The following EIF2B3 variants were observed in gnomAD, a reference collection of about 807,000 sequenced individuals.
EIF2B3 encodes translation initiation factor eIF2B subunit gamma.
EIF2B3 carries 20 observed loss-of-function variants against 54.1 expected under a neutral mutation model. The ratio of observed to expected loss-of-function variants is 0.37; its 90% CI spans 0.26 to 0.54. EIF2B3 has a LOEUF of 0.54. Ranked by LOEUF, EIF2B3 falls within the 20% of genes least tolerant of loss-of-function variation. EIF2B3 has a pLI of 0.86. For missense variants in EIF2B3, 448 were observed against 547.8 expected (o/e 0.82, Z 1.82); for synonymous variants, 153 against 188.1 (o/e 0.81, Z 1.52).
At chr1:44,937,056 G>T (rs1431240664) in intron 4 of EIF2B3, among the ~76,000 whole-genome samples, 2 of 152,096 alleles carry the variant, frequency 1.3e-5, no homozygotes, top group Non-Finnish European at 2.9e-5. Context: ...GCAGTGCTGG[G>T]TATTTTTTTA....
chr1:44,852,567 G>A (rs1193268900), intron 11 of EIF2B3, among the ~76,000 whole-genome samples: 3 of 151,958 alleles, frequency 2.0e-5, no homozygotes, highest in Non-Finnish European at 2.9e-5. Context: ...ATCACCTGAG[G>A]TCGGGAGTTC....
intron 3 of EIF2B3, among the ~76,000 whole-genome samples, chr1:44,946,863 T>C (rs995117866): frequency 1.3e-5 from 2 of 152,182 alleles, no homozygotes; most frequent in Admixed American, 1.3e-4. Context: ...TTCTAGTAAC[T>C]GGAGCCCAGA....
intron 4 of EIF2B3, among the ~76,000 whole-genome samples, chr1:44,930,878 T>C (rs972951113): frequency 6.6e-6 from 1 of 152,160 alleles, no homozygotes; most frequent in Non-Finnish European, 1.5e-5. Context: ...TGACCTCAGG[T>C]GATCCACCCA....
chr1:44,962,871 T>G (rs1157143805), intron 3 of EIF2B3, among the ~76,000 whole-genome samples: 3 of 152,188 alleles, frequency 2.0e-5, no homozygotes, highest in Non-Finnish European at 4.4e-5. Context: ...CCTCACAGTA[T>G]AGCAACAATA....
chr1:44,880,711 C>T (rs1300964891), intron 7 of EIF2B3, among the ~76,000 whole-genome samples: 1 of 152,078 alleles, frequency 6.6e-6, no homozygotes, highest in Non-Finnish European at 1.5e-5. Context: ...GCCTGTAATC[C>T]CAGCACTTTG....
intron 11 of EIF2B3, among the ~76,000 whole-genome samples, chr1:44,856,128 T>C (rs1654424281): frequency 1.3e-5 from 2 of 152,162 alleles, no homozygotes; most frequent in Admixed American, 6.5e-5. Flanking sequence ...AGTCTTTTGG[T>C]ACACTCAAGG....
chr1:44,874,429 T>C (rs1470282461), intron 10 of EIF2B3: 4 of 507,526 alleles, frequency 7.9e-6, no homozygotes, highest in African/African-American at 5.8e-5. Flanking sequence ...GGATTCTTTT[T>C]GCCCTTTTTC....
At chr1:44,978,040 G>A (rs1194986682) in intron 3 of EIF2B3, among the ~76,000 whole-genome samples, 1 of 152,172 alleles carries the variant, frequency 6.6e-6, no homozygotes, top group Non-Finnish European at 1.5e-5. Context: ...AGGAGTTCGA[G>A]TCTAGCCTGG....
chr1:44,917,031 C>T (rs1368823812), intron 5 of EIF2B3, among the ~76,000 whole-genome samples: 1 of 152,034 alleles, frequency 6.6e-6, no homozygotes, highest in African/African-American at 2.4e-5. Context: ...CATTGTTCCT[C>T]TTGTATTAAA....
intron 3 of EIF2B3, among the ~76,000 whole-genome samples, chr1:44,971,558 T>A (rs952484860): frequency 6.6e-6 from 1 of 152,154 alleles, no homozygotes; most frequent in Admixed American, 6.5e-5. Context: ...TCTAGCTTAC[T>A]GGGCCAAAAA....
At chr1:44,890,489 A>G (rs1193265600) in intron 6 of EIF2B3, among the ~76,000 whole-genome samples, 1 of 152,228 alleles carries the variant, frequency 6.6e-6, no homozygotes, top group Non-Finnish European at 1.5e-5. Flanking sequence ...TAGTTCACGT[A>G]ACTTTAGTAA....
intron 5 of EIF2B3, among the ~76,000 whole-genome samples, chr1:44,913,202 TAA>T (rs1643551268): frequency 2.0e-5 from 3 of 151,566 alleles, no homozygotes; most frequent in South Asian, 2.1e-4. Flanking sequence ...TTTAATACAT[TAA>T]GAGATATTGT....
intron 4 of EIF2B3, 122 bp from the exon 5 acceptor site, chr1:44,926,861 G>T: frequency 1.1e-6 from 1 of 900,200 alleles, no homozygotes; most frequent in Non-Finnish European, 1.7e-6. Flanking sequence ...AAGGGTGGGT[G>T]CAGTGGCTCA....
intron 3 of EIF2B3, among the ~76,000 whole-genome samples, chr1:44,964,648 C>T (rs1032561101): frequency 6.6e-6 from 1 of 152,174 alleles, no homozygotes; most frequent in African/African-American, 2.4e-5. Context: ...CATCAAAGGA[C>T]TTAAGGAACT....
intron 4 of EIF2B3, among the ~76,000 whole-genome samples, chr1:44,935,650 C>T (rs1025385337): frequency 5.3e-5 from 8 of 152,134 alleles, no homozygotes; most frequent in African/African-American, 1.9e-4. Context: ...CAGGCATGTG[C>T]CACCACACCC....
Position 44,981,037 on chromosome 1 carries a change from C to T in EIF2B3, c.132G>A (p.Glu44=), listed in dbSNP as rs1401942615. The T allele has an allele frequency of 5.6e-6, 9 of 1,613,574 alleles. No homozygotes were observed. The highest frequency in any genetic ancestry group is 2.2e-5 in the South Asian group (2 of 91,078). ...PLIWYPLNLL[E]RVGFEEVIVV... is the part of the protein sequence containing the mutation. ...ATAGCTCACCTTCAAATCCAACACG[C>T]TCAAGCAGGTTCAATGGGTACCAAA... Residue 44 remains glutamate (E), a synonymous_variant, in exon 2 of 12, where the codon GAG becomes GAA. Coordinates refer to ENST00000360403, the MANE Select transcript of EIF2B3 (RefSeq NM_020365.5).
intron 6 of EIF2B3, among the ~76,000 whole-genome samples, chr1:44,893,188 T>C (rs983392056): frequency 1.3e-5 from 2 of 152,162 alleles, no homozygotes; most frequent in Non-Finnish European, 2.9e-5. Context: ...CTCAGCCTCC[T>C]GAGTAGGTGA....
chr1:44,939,116 A>G (rs1643990978), intron 4 of EIF2B3, among the ~76,000 whole-genome samples: 1 of 151,326 alleles, frequency 6.6e-6, no homozygotes, highest in South Asian at 2.1e-4. Flanking sequence ...AAAAAAAAAA[A>G]AAAAAAAAAA....
intron 3 of EIF2B3, among the ~76,000 whole-genome samples, chr1:44,943,779 G>A (rs1418832467): frequency 3.3e-5 from 5 of 152,106 alleles, no homozygotes; most frequent in African/African-American, 7.2e-5. Flanking sequence ...TAGTAGTTAT[G>A]TAACTAAGAT....
Sources: gnomAD v4.1 joint callset for allele counts (sites outside exome capture counted in the v4.1 genomes callset) on GRCh38, gnomAD v4.1.1 for gene constraint, MANE v1.5 for transcripts, NCBI Gene and HGNC (gene_info 2026-07-23, HGNC 2026-07-21) for gene names.